Variants in KAZN observed in about 807,000 individuals in gnomAD.
The protein encoded by KAZN is kazrin.
Under a neutral mutation model 87.4 loss-of-function variants are expected in KAZN, and 40 were observed. That is an observed-to-expected ratio of 0.46 (90% CI 0.36 to 0.60). The LOEUF (loss-of-function observed/expected upper bound fraction) is 0.60. Ranked by LOEUF, KAZN falls within the 20% of genes least tolerant of loss-of-function variation. The probability of loss-of-function intolerance (pLI) is 0.00; values close to 1 mark genes in which losing one functional copy is unlikely to be tolerated. For synonymous variants in KAZN, 466 were observed against 458.3 expected, an observed-to-expected ratio of 1.02 and a Z score of -0.22; for missense variants, 898 against 1,073.9, an observed-to-expected ratio of 0.84 and a Z score of 2.29.
intron 1 of KAZN, among the ~76,000 whole-genome samples, chr1:14,928,943 G>T (rs1025549544): frequency 6.6e-6 from 1 of 152,196 alleles, no homozygotes; most frequent in Non-Finnish European, 1.5e-5. Context: ...CTGGTGGCAC[G>T]CCATAGTGGG....
chr1:14,062,106 T>C (rs1414725307), intron 1 of KAZN, among the ~76,000 whole-genome samples: 1 of 152,022 alleles, frequency 6.6e-6, no homozygotes, highest in Non-Finnish European at 1.5e-5. Flanking sequence ...AGAATCAGAA[T>C]AAGGAAAAAT....
intron 2 of KAZN, among the ~76,000 whole-genome samples, chr1:14,474,224 A>G (rs77224031): frequency 0.011 from 1,640 of 152,300 alleles, 17 homozygotes; most frequent in South Asian, 0.032. Context: ...GCAAATACCT[A>G]CACATAAGGG....
chr1:14,877,177 T>C (rs1397719310), intron 1 of KAZN, among the ~76,000 whole-genome samples: 2 of 152,188 alleles, frequency 1.3e-5, no homozygotes, highest in Non-Finnish European at 2.9e-5. Context: ...GACTCTCTTC[T>C]CACCACCAAT....
At chr1:14,270,104 C>T (rs990650503) in intron 2 of KAZN, among the ~76,000 whole-genome samples, 3 of 152,212 alleles carry the variant, frequency 2.0e-5, no homozygotes, top group Non-Finnish European at 2.9e-5. Context: ...CACACTACCA[C>T]ACTGGGGGTC....
chr1:14,795,698 A>G (rs1645808638), intron 1 of KAZN, among the ~76,000 whole-genome samples: 1 of 152,096 alleles, frequency 6.6e-6, no homozygotes, highest in South Asian at 2.1e-4. Flanking sequence ...TCCCTGCATG[A>G]GCTGGTGCTC....
intron 2 of KAZN, among the ~76,000 whole-genome samples, chr1:14,964,688 G>C (rs1422316892): frequency 1.3e-5 from 2 of 152,238 alleles, no homozygotes; most frequent in Non-Finnish European, 2.9e-5. Flanking sequence ...GGCGACGCTT[G>C]TTAACATCCA....
At chr1:14,113,063 T>C (rs1644534503) in intron 1 of KAZN, among the ~76,000 whole-genome samples, 1 of 152,218 alleles carries the variant, frequency 6.6e-6, no homozygotes, top group Non-Finnish European at 1.5e-5. Flanking sequence ...ACTTTTTCAA[T>C]GTGCACCCTC....
At position 14,680,807 on chromosome 1, in the gene KAZN, T is replaced by A. The variant is rs1325507285; in HGVS notation, c.226+81584T>A. 2.0e-5 allele frequency among the ~76,000 whole-genome samples: 3 copies of A among 152,148 alleles called. No homozygotes were observed. The East Asian group carries it at 5.8e-4, about 29-fold the overall frequency. On this transcript the variant is annotated intron_variant, in intron 1 of 14. Coordinates refer to ENST00000376030, the MANE Select transcript of KAZN (RefSeq NM_201628.3). ...TTTGTAGCTGAGGAGTATTACATGG[T>A]ATGGTGTGTTTTAGGCTGTTGTTGC... is the stretch of plus-strand genomic sequence containing the variant.
At chr1:14,722,165 AT>A (rs1300265801) in intron 1 of KAZN, among the ~76,000 whole-genome samples, 9 of 151,362 alleles carry the variant, frequency 5.9e-5, no homozygotes, top group Non-Finnish European at 1.0e-4. Context: ...AAAAAAAAGA[AT>A]AAAAAATAAA....
At chr1:15,052,388 T>C (rs1275819235) in intron 4 of KAZN, among the ~76,000 whole-genome samples, 2 of 152,280 alleles carry the variant, frequency 1.3e-5, no homozygotes, top group East Asian at 1.9e-4. Context: ...AGGAGACTTA[T>C]TCACTGTCAC....
chr1:14,683,530 T>G (rs1225653567), intron 1 of KAZN, among the ~76,000 whole-genome samples: 1 of 152,208 alleles, frequency 6.6e-6, no homozygotes, highest in Non-Finnish European at 1.5e-5. Context: ...CTCCAGCCCC[T>G]GTGACATGGT....
rs1643120664 is a variant in KAZN at position 14,721,771 on chromosome 1, T to G, written c.226+122548T>G. 2.0e-5 allele frequency among the ~76,000 whole-genome samples: 3 copies of G among 152,202 alleles called. No individual in the cohort carries two copies. In the South Asian group the frequency reaches 6.2e-4, roughly 31 times the overall value. On this transcript the variant is annotated intron_variant, in intron 1 of 14. Transcript: ENST00000376030. ...TTGTTTATTGTAAGGCAAATTGAAATCCTAATTGTCAATCAACCCCTCAGC... is the reference window on the plus strand; with the variant it reads ...TTGTTTATTGTAAGGCAAATTGAAAGCCTAATTGTCAATCAACCCCTCAGC...
chr1:15,010,346 G>A (rs189211951), intron 2 of KAZN, among the ~76,000 whole-genome samples: 2 of 150,776 alleles, frequency 1.3e-5, no homozygotes, highest in Admixed American at 1.3e-4. Context: ...GGAGATGTTG[G>A]GTCCTCCTCT....
intron 1 of KAZN, among the ~76,000 whole-genome samples, chr1:13,901,209 T>G (rs957806350): frequency 1.1e-4 from 17 of 152,236 alleles, no homozygotes; most frequent in Admixed American, 6.5e-4. Context: ...GCCTGGGGTT[T>G]GTGTGTCTCT....
intron 2 of KAZN, among the ~76,000 whole-genome samples, chr1:14,354,159 C>G (rs1013736088): frequency 1.3e-5 from 2 of 151,792 alleles, no homozygotes; most frequent in African/African-American, 4.8e-5. Context: ...ACAAATAGTG[C>G]TAGAACAACT....
chr1:14,163,902 C>T (rs1030941688), intron 1 of KAZN, among the ~76,000 whole-genome samples: 5 of 152,194 alleles, frequency 3.3e-5, no homozygotes, highest in African/African-American at 9.7e-5. Flanking sequence ...ACATTTTCCT[C>T]GGTTTTCCTT....
At chr1:15,084,609 T>C (rs903912878) in intron 8 of KAZN, among the ~76,000 whole-genome samples, 1 of 152,082 alleles carries the variant, frequency 6.6e-6, no homozygotes, top group Non-Finnish European at 1.5e-5. Flanking sequence ...TATCAGGGGG[T>C]TAAATTTTGG....
intron 2 of KAZN, among the ~76,000 whole-genome samples, chr1:14,527,680 A>G (rs1671963103): frequency 6.6e-6 from 1 of 152,038 alleles, no homozygotes; most frequent in Non-Finnish European, 1.5e-5. Flanking sequence ...GGTAGAGGGG[A>G]AGAGAAGCCA....
intron 2 of KAZN, among the ~76,000 whole-genome samples, chr1:14,506,117 A>C (rs1670572623): frequency 6.6e-6 from 1 of 152,258 alleles, no homozygotes; most frequent in Non-Finnish European, 1.5e-5. Context: ...TTACATAAAA[A>C]GTGACCTAGA....
Sources: allele counts gnomAD v4.1 joint callset (sites outside exome capture counted in the v4.1 genomes callset), GRCh38; gene constraint gnomAD v4.1.1; transcripts MANE v1.5; gene names NCBI Gene and HGNC (gene_info 2026-07-23, HGNC 2026-07-21).